The following SAMSN1 variants were observed in gnomAD, a reference collection of about 807,000 sequenced individuals.
SAMSN1 encodes SAM domain-containing protein SAMSN-1.
A neutral mutation model predicts 42.0 loss-of-function variants in SAMSN1; 31 were observed. That is an observed-to-expected ratio of 0.74 (90% CI 0.55 to 1.00). The LOEUF (loss-of-function observed/expected upper bound fraction) is 1.00, where lower values mean the gene tolerates loss of function less well. Among genes scored for constraint, SAMSN1 ranks in the 50% least tolerant of loss-of-function variants. SAMSN1 has a pLI of 0.00. For missense variants in SAMSN1, 464 were observed against 439.4 expected (o/e 1.06, Z -0.50); for synonymous variants, 178 against 151.9 (o/e 1.17, Z -1.26).
At chr21:14,546,811 G>C (rs1980419394), upstream of SAMSN1, among the ~76,000 whole-genome samples, 2 of 152,106 alleles carry the variant, frequency 1.3e-5, no homozygotes, top group Non-Finnish European at 2.9e-5. Context: ...CCGGGTTCAA[G>C]CGACTCTCCT....
chr21:14,495,108 A>T (rs148828121), intron 7 of SAMSN1, among the ~76,000 whole-genome samples: 17 of 152,364 alleles, frequency 1.1e-4, no homozygotes, highest in Admixed American at 1.1e-3. Flanking sequence ...GAAAATTTAC[A>T]TGTCCCATTC....
At chr21:14,637,079 C>G (rs888944240) in intron 2 of SAMSN1, among the ~76,000 whole-genome samples, 4 of 152,114 alleles carry the variant, frequency 2.6e-5, no homozygotes, top group Non-Finnish European at 5.9e-5. Context: ...TCAATCCTAC[C>G]TTGTCCAATA....
chr21:14,503,459 A>G (rs1411077676), intron 5 of SAMSN1, among the ~76,000 whole-genome samples: 1 of 152,230 alleles, frequency 6.6e-6, no homozygotes, highest in African/African-American at 2.4e-5. Context: ...AGGTGAGATC[A>G]CAGCTTTCTT....
intron 2 of SAMSN1, among the ~76,000 whole-genome samples, 196 bp from the exon 3 acceptor site, chr21:14,517,237 CAG>C (rs1377713637): frequency 6.6e-6 from 1 of 152,200 alleles, no homozygotes; most frequent in Non-Finnish European, 1.5e-5. Flanking sequence ...GTTACGAACT[CAG>C]AAAGTAAAAT....
intron 4 of SAMSN1, among the ~76,000 whole-genome samples, chr21:14,511,675 T>C (rs1987693452): frequency 6.6e-6 from 1 of 152,218 alleles, no homozygotes; most frequent in African/African-American, 2.4e-5. Flanking sequence ...ATTAGAGAGA[T>C]GTATAACAGT....
At chr21:14,558,464 A>G (rs780601879) in intron 2 of SAMSN1, among the ~76,000 whole-genome samples, 2 of 152,128 alleles carry the variant, frequency 1.3e-5, no homozygotes, top group Admixed American at 6.5e-5. Context: ...GATCCACATG[A>G]GCTCAGGAGT....
At chr21:14,655,360 A>G (rs1420502723) in intron 1 of SAMSN1, among the ~76,000 whole-genome samples, 1 of 151,840 alleles carries the variant, frequency 6.6e-6, no homozygotes, top group Non-Finnish European at 1.5e-5. Flanking sequence ...ACTCTAGAAA[A>G]AGAAAATGAT....
At chr21:14,534,381 C>G (rs1979461984) in intron 1 of SAMSN1, among the ~76,000 whole-genome samples, 1 of 152,104 alleles carries the variant, frequency 6.6e-6, no homozygotes, top group African/African-American at 2.4e-5. Flanking sequence ...CAGCTACATC[C>G]CCTGATCCTC....
chr21:14,639,810 C>T (rs143271130), intron 2 of SAMSN1, among the ~76,000 whole-genome samples: 14 of 152,140 alleles, frequency 9.2e-5, no homozygotes, highest in African/African-American at 3.1e-4. Flanking sequence ...AGTTTTTGGC[C>T]GTTGTCCTCC....
At position 14,510,332 on chromosome 21, in the gene SAMSN1, T is replaced by A; in HGVS notation, c.539A>T (p.Asp180Val). The change falls in exon 5 of 8, where the codon GAC becomes GTC. Residue 180 changes from aspartate to valine, a missense_variant. Asp to Val is a radical substitution (Grantham distance 152). Transcript: ENST00000400566. Reference sequence around the variant, plus strand: ...CACCTTGATTTTGAGGGAGTCAGTGTCATAGGGACTTGGCGTGAAATCCGT... The same window carrying A: ...CACCTTGATTTTGAGGGAGTCAGTGACATAGGGACTTGGCGTGAAATCCGT... ...VHTDFTPSPY[D>V]TDSLKIKKGD... 6.2e-7 allele frequency: 1 copy of A among 1,614,102 alleles called. No homozygotes were observed.
chr21:14,503,423 G>T (rs561507279), intron 5 of SAMSN1, among the ~76,000 whole-genome samples: 1 of 152,242 alleles, frequency 6.6e-6, no homozygotes, highest in South Asian at 2.1e-4. Flanking sequence ...AAAAGCCAGT[G>T]AACTCAGAAG....
chr21:14,614,896 C>A (rs1029966513), intron 3 of SAMSN1, among the ~76,000 whole-genome samples: 1 of 152,192 alleles, frequency 6.6e-6, no homozygotes, highest in Non-Finnish European at 1.5e-5. Flanking sequence ...CCCACCTTAA[C>A]TGATCTGGTT....
At chr21:14,596,194 G>A (rs530913689) in intron 6 of SAMSN1, among the ~76,000 whole-genome samples, 22 of 152,070 alleles carry the variant, frequency 1.4e-4, no homozygotes, top group South Asian at 1.2e-3. Context: ...TTATTTCACC[G>A]GAAACAAGAG....
intron 1 of SAMSN1, among the ~76,000 whole-genome samples, chr21:14,645,658 C>T (rs968298020): frequency 2.0e-5 from 3 of 152,276 alleles, no homozygotes; most frequent in Non-Finnish European, 4.4e-5. Flanking sequence ...ACCTCACCAA[C>T]TAAACTAAAT....
At chr21:14,489,510 A>G (rs1396163295) in intron 7 of SAMSN1, among the ~76,000 whole-genome samples, 1 of 152,164 alleles carries the variant, frequency 6.6e-6, no homozygotes, top group Non-Finnish European at 1.5e-5. Flanking sequence ...TTTTCAATAA[A>G]GCCCCCAAAT....
chr21:14,538,400 A>AT (rs1979775233), intron 1 of SAMSN1, among the ~76,000 whole-genome samples: 1 of 152,150 alleles, frequency 6.6e-6, no homozygotes, highest in Admixed American at 6.5e-5. Context: ...CTTGTGGAAA[A>AT]TTTTTGCATC....
At chr21:14,626,110 C>T (rs1402973644) in intron 2 of SAMSN1, among the ~76,000 whole-genome samples, 2 of 152,144 alleles carry the variant, frequency 1.3e-5, no homozygotes, top group African/African-American at 4.8e-5. Flanking sequence ...CTTCTTTACA[C>T]CTTATACAAA....
At chr21:14,504,257 T>C (rs967796500) in intron 5 of SAMSN1, among the ~76,000 whole-genome samples, 1 of 151,672 alleles carries the variant, frequency 6.6e-6, no homozygotes, top group Non-Finnish European at 1.5e-5. Context: ...CAAGAAGAAA[T>C]CCCTGATTTA....
At chr21:14,613,086 T>C (rs1027832638) in intron 3 of SAMSN1, among the ~76,000 whole-genome samples, 1 of 152,174 alleles carries the variant, frequency 6.6e-6, no homozygotes, top group Middle Eastern at 3.4e-3. Context: ...TTACAGTAAA[T>C]ACAAGTACAA....
Sources: allele counts gnomAD v4.1 joint callset (sites outside exome capture counted in the v4.1 genomes callset), GRCh38; gene constraint gnomAD v4.1.1; transcripts MANE v1.5; gene names NCBI Gene and HGNC (gene_info 2026-07-23, HGNC 2026-07-21).